ATP10A: variants seen among roughly 807,000 people sequenced by gnomAD.
ATP10A encodes phospholipid-transporting ATPase VA.
ATP10A carries 111 observed loss-of-function variants against 147.8 expected under a neutral mutation model. That is an observed-to-expected ratio of 0.75 (90% confidence interval 0.64 to 0.88). ATP10A has a LOEUF of 0.88. Among genes scored for constraint, ATP10A ranks in the 40% least tolerant of loss-of-function variants. The probability of loss-of-function intolerance (pLI) is 0.00; values close to 1 mark genes in which losing one functional copy is unlikely to be tolerated. For missense variants in ATP10A, 1,927 were observed against 1,959.0 expected (o/e 0.98, Z 0.31); for synonymous variants, 875 against 841.6 (o/e 1.04, Z -0.69).
At chr15:25,807,588 A>G (rs927984490) in intron 1 of ATP10A, among the ~76,000 whole-genome samples, 23 of 152,338 alleles carry the variant, frequency 1.5e-4, no homozygotes, top group African/African-American at 5.5e-4. Context: ...AGATCACCTG[A>G]GGTCAAGAGT....
chr15:25,787,982 T>C (rs1031529216), intron 1 of ATP10A, among the ~76,000 whole-genome samples: 4 of 152,124 alleles, frequency 2.6e-5, no homozygotes, highest in African/African-American at 9.6e-5. Flanking sequence ...AACAAGCCAC[T>C]GAGAGAGTTC....
chr15:25,852,101 AGCT>A (rs1422167304), intron 1 of ATP10A, among the ~76,000 whole-genome samples: 3 of 151,954 alleles, frequency 2.0e-5, no homozygotes, highest in Non-Finnish European at 4.4e-5. Context: ...GCACACCAGA[AGCT>A]GCTATCTTCT....
chr15:25,791,764 A>G (rs1373949957), intron 1 of ATP10A, among the ~76,000 whole-genome samples: 1 of 152,156 alleles, frequency 6.6e-6, no homozygotes, highest in African/African-American at 2.4e-5. Flanking sequence ...TGAAAATATT[A>G]ACCCCTTTTC....
At chr15:25,808,362 T>C (rs1337842653) in intron 1 of ATP10A, among the ~76,000 whole-genome samples, 1 of 151,962 alleles carries the variant, frequency 6.6e-6, no homozygotes, top group Non-Finnish European at 1.5e-5. Context: ...CCAGTTTACC[T>C]CATTTTGCAG....
At chr15:25,748,034 C>T (rs1273493779) in intron 2 of ATP10A, among the ~76,000 whole-genome samples, 1 of 151,950 alleles carries the variant, frequency 6.6e-6, no homozygotes, top group African/African-American at 2.4e-5. Flanking sequence ...GCGATCTTGG[C>T]TCACTGCAAG....
At chr15:25,793,161 G>T (rs1477709028) in intron 1 of ATP10A, among the ~76,000 whole-genome samples, 1 of 152,122 alleles carries the variant, frequency 6.6e-6, no homozygotes, top group African/African-American at 2.4e-5. Flanking sequence ...ATGAGCCACT[G>T]CACCTGGCCT....
At chr15:25,705,849 G>T (rs1900973969) in intron 12 of ATP10A, among the ~76,000 whole-genome samples, 1 of 152,162 alleles carries the variant, frequency 6.6e-6, no homozygotes, top group Non-Finnish European at 1.5e-5. Context: ...ATGTATCCAT[G>T]AGCTCTGCCA....
intron 1 of ATP10A, among the ~76,000 whole-genome samples, chr15:25,848,424 G>A (rs1893130357): frequency 6.6e-6 from 1 of 152,144 alleles, no homozygotes; most frequent in South Asian, 2.1e-4. Context: ...GAGGACCTGG[G>A]ACTACAGGCT....
In ATP10A at chr15:25,723,981, T is replaced by C. The variant is rs1472392531; in HGVS notation, c.1020A>G (p.Ser340=). 3.2e-5 allele frequency: 51 copies of C among 1,608,936 alleles called. No homozygotes were observed. The highest frequency in any genetic ancestry group is 4.2e-5 in the Non-Finnish European group (50 of 1,178,116). The change falls in exon 6 of 21, where the codon TCA becomes TCG. Residue 340 remains serine (S), a synonymous_variant. Transcript: ENST00000555815. ...LWIWRYQEKK[S]LFYVPKSDGS... ...CATCAGACTTGGGGACATAAAATAA[T>C]GACTTCTTCTCTTGATACCGCCATA...
intron 3 of ATP10A, among the ~76,000 whole-genome samples, chr15:25,734,916 A>G (rs1201737287): frequency 1.3e-5 from 2 of 151,374 alleles, no homozygotes; most frequent in African/African-American, 2.4e-5. Flanking sequence ...AAAACAGAAG[A>G]CTCAACCTAC....
At chr15:25,691,654 T>G in intron 15 of ATP10A, 61 bp downstream of exon 15, 1 of 1,558,998 alleles carries the variant, frequency 6.4e-7, no homozygotes, top group Non-Finnish European at 8.8e-7. Flanking sequence ...GCCCACAGGG[T>G]GACAGGACAA....
At chr15:25,703,638 G>T (rs148899899) in intron 12 of ATP10A, among the ~76,000 whole-genome samples, 1 of 152,174 alleles carries the variant, frequency 6.6e-6, no homozygotes, top group East Asian at 1.9e-4. Context: ...CATGGGGAGG[G>T]GAAGGTAGAA....
intron 3 of ATP10A, among the ~76,000 whole-genome samples, chr15:25,732,807 G>A (rs977663425): frequency 3.0e-4 from 45 of 151,746 alleles, no homozygotes; most frequent in African/African-American, 9.0e-4. Flanking sequence ...TGCCCGCCCC[G>A]GCCTCCCAAA....
chr15:25,760,358 C>T (rs954024761), intron 2 of ATP10A, among the ~76,000 whole-genome samples: 1 of 152,160 alleles, frequency 6.6e-6, no homozygotes, highest in Admixed American at 6.5e-5. Flanking sequence ...TTCCTAGAAA[C>T]CTATGTCTTC....
chr15:25,734,618 G>A (rs1018231378), intron 3 of ATP10A, among the ~76,000 whole-genome samples: 1 of 152,178 alleles, frequency 6.6e-6, no homozygotes, highest in Non-Finnish European at 1.5e-5. Flanking sequence ...AAAAGCCACA[G>A]CACACGGGTT....
intron 12 of ATP10A, among the ~76,000 whole-genome samples, chr15:25,702,744 C>T (rs1415869491): frequency 6.6e-6 from 1 of 151,832 alleles, no homozygotes; most frequent in Non-Finnish European, 1.5e-5. Context: ...GTGCTTAGGC[C>T]TGCCTCAGAT....
At chr15:25,738,208 C>A (rs1887395235) in intron 2 of ATP10A, among the ~76,000 whole-genome samples, 2 of 152,324 alleles carry the variant, frequency 1.3e-5, no homozygotes, top group Non-Finnish European at 2.9e-5. Context: ...ACCCCTGACT[C>A]ATTCCAAACC....
At chr15:25,848,449 G>A (rs190975198) in intron 1 of ATP10A, among the ~76,000 whole-genome samples, 114 of 152,126 alleles carry the variant, frequency 7.5e-4, no homozygotes, top group Non-Finnish European at 1.2e-3. Context: ...CCACTGCACC[G>A]GCTAAACAAA....
chr15:25,792,757 G>C (rs2140751042), intron 1 of ATP10A, among the ~76,000 whole-genome samples: 1 of 152,144 alleles, frequency 6.6e-6, no homozygotes, highest in East Asian at 1.9e-4. Context: ...TTGTTGCTTT[G>C]AGTTCCATCT....
Sources: allele counts gnomAD v4.1 joint callset (sites outside exome capture counted in the v4.1 genomes callset), GRCh38; gene constraint gnomAD v4.1.1; transcripts MANE v1.5; gene names NCBI Gene and HGNC (gene_info 2026-07-23, HGNC 2026-07-21).